EBAG9: variants seen among roughly 807,000 people sequenced by gnomAD.
EBAG9 encodes the protein receptor-binding cancer antigen expressed on SiSo cells.
In EBAG9, 16 loss-of-function variants were observed where a neutral mutation model predicts 30.9. The observed-to-expected ratio is 0.52, with a 90% CI of 0.35 to 0.79. EBAG9 has a LOEUF of 0.79. EBAG9 is among the 30% of genes least tolerant of loss of function. The probability of loss-of-function intolerance (pLI) is 0.01; values close to 1 mark genes in which losing one functional copy is unlikely to be tolerated. For synonymous variants in EBAG9, 93 were observed against 82.8 expected (o/e 1.12, Z -0.67); for missense variants, 197 against 242.1 (o/e 0.81, Z 1.24).
chr8:109,559,509 G>A (rs1821670013), intron 5 of EBAG9, among the ~76,000 whole-genome samples: 2 of 152,050 alleles, frequency 1.3e-5, no homozygotes, highest in Admixed American at 1.3e-4. Context: ...TGTCAAATTA[G>A]TAAAGATAGA....
rs768512223 is a variant in EBAG9 at position 109,560,879 on chromosome 8, T to C, written c.471T>C (p.Asn157=). 8.1e-6 allele frequency: 13 copies of C among 1,613,244 alleles called. No individual in the cohort carries two copies. Among genetic ancestry groups the C allele is most frequent in the East Asian group, 2.2e-5 (1 of 44,816 alleles). The change falls in exon 6 of 7, where the codon AAT becomes AAC. Residue 157 remains asparagine (N), a synonymous_variant. Transcript: ENST00000337573. ...GDLDTWQENT[N]AWEEEEDAAW... is the part of the protein sequence containing the mutation. ...TAGATACCTGGCAGGAAAATACCAA[T>C]GCATGGGAAGAAGAAGAAGATGCAG... is the stretch of plus-strand genomic sequence containing the variant.
At chr8:109,543,904 C>T (rs1454081934) in intron 1 of EBAG9, among the ~76,000 whole-genome samples, 1 of 151,836 alleles carries the variant, frequency 6.6e-6, no homozygotes, top group Non-Finnish European at 1.5e-5. Context: ...GTGGCATGTG[C>T]CAGTAGTCTC....
chr8:109,548,769 C>T (rs1435649645), intron 1 of EBAG9, among the ~76,000 whole-genome samples: 6 of 151,658 alleles, frequency 4.0e-5, no homozygotes, highest in Non-Finnish European at 7.4e-5. Flanking sequence ...TTGTTGTTAA[C>T]GTATAGAAAT....
intron 1 of EBAG9, among the ~76,000 whole-genome samples, chr8:109,543,548 C>T (rs932441031): frequency 5.3e-5 from 8 of 152,052 alleles, no homozygotes; most frequent in Admixed American, 6.6e-5. Context: ...TACATACAGT[C>T]AAGTATGTGG....
intron 1 of EBAG9, chr8:109,550,577 C>T: frequency 3.1e-6 from 1 of 324,148 alleles, no homozygotes; most frequent in Non-Finnish European, 5.5e-6. Context: ...AAATTATTTT[C>T]AAAAACTCAG....
rs977720658 is a variant in EBAG9 at position 109,565,908 on chromosome 8, T to C, written c.*1349T>C. ...TATAGAATAAGATGAAAGTTAACTT[T>C]GGTACAGAGCTTTTTATAGCCCCAA... On this transcript the variant is annotated 3_prime_UTR_variant, in exon 7 of 7. Coordinates refer to ENST00000337573, the MANE Select transcript of EBAG9 (RefSeq NM_004215.5). 1 of 152,130 alleles carries C rather than the reference T, an allele frequency of 6.6e-6. No homozygotes were observed. Among genetic ancestry groups the C allele is most frequent in the Admixed American group, 6.5e-5 (1 of 15,270 alleles). 9.4% of individuals were successfully genotyped at this position (152,130 alleles called of 1,614,324 possible). A position where few individuals can be genotyped will look rare whatever the true frequency, so the allele number is the denominator to read the frequency against.
intron 5 of EBAG9, among the ~76,000 whole-genome samples, chr8:109,559,274 T>C (rs1252222772): frequency 1.3e-5 from 2 of 152,004 alleles, no homozygotes; most frequent in African/African-American, 2.4e-5. Flanking sequence ...CTAGGCAACA[T>C]GGCGAAATCC....
chr8:109,563,518 G>A (rs1306993296), intron 6 of EBAG9: 28 of 1,596,682 alleles, frequency 1.8e-5, no homozygotes, highest in African/African-American at 4.0e-5. Context: ...GTGGAGTTAC[G>A]GAAAGAGTAA....
At position 109,558,716 on chromosome 8, in the gene EBAG9, T is replaced by C. The variant is rs74467398; in HGVS notation, c.429+1674T>C. On this transcript the variant is annotated intron_variant, in intron 5 of 6. Coordinates refer to ENST00000337573, the MANE Select transcript of EBAG9 (RefSeq NM_004215.5). ...TTGCATAGGAGAGGATGGTAACCTA[T>C]TGGACTTTGTTTTCTATACCAAAAA... 6.7e-3 allele frequency among the ~76,000 whole-genome samples: 1,024 copies of C among 152,262 alleles called. 15 individuals are homozygous for C. Among genetic ancestry groups the C allele is most frequent in the African/African-American group, 0.021 (890 of 41,550 alleles).
intron 1 of EBAG9, among the ~76,000 whole-genome samples, chr8:109,550,043 C>T (rs1821461608): frequency 6.6e-6 from 1 of 152,080 alleles, no homozygotes; most frequent in African/African-American, 2.4e-5. Context: ...GAATGCTATA[C>T]AATTTGCATT....
At position 109,563,355 on chromosome 8, in the gene EBAG9, C is replaced by T. The variant is rs532141603; in HGVS notation, c.522-1084C>T. The stretch of plus-strand genomic sequence containing the variant: ...TGTGACCTGTAGCTTCCTTCCTCAA[C>T]GTTGCATACTTGAATGATTTTCTCA... On this transcript the variant is annotated intron_variant, in intron 6 of 6. Transcript: ENST00000337573. 38 of 1,587,866 alleles carry T rather than the reference C, an allele frequency of 2.4e-5. No individual in the cohort carries two copies. The East Asian group carries it at 7.6e-4, about 32-fold the overall frequency.
rs1821561523 is a variant in EBAG9, at chr8:109,554,731, A to G, written c.165A>G (p.Thr55=). 1.9e-6 allele frequency: 3 copies of G among 1,612,074 alleles called. No individual in the cohort carries two copies. Among genetic ancestry groups the G allele is most frequent in the Non-Finnish European group, 2.5e-6 (3 of 1,178,990 alleles). ...TVDYSSVPKQ[T]DVEEWTSWDE... ...TAATGTTGATCAATTAAATTTAGACAGATGTTGAAGAGTGGACTTCCTGGG... is the reference window on the plus strand; with the variant it reads ...TAATGTTGATCAATTAAATTTAGACGGATGTTGAAGAGTGGACTTCCTGGG... Residue 55 remains threonine, a splice_region_variant and synonymous_variant, in exon 4 of 7, where the codon ACA becomes ACG. Transcript: ENST00000337573.
chr8:109,543,135 C>CTTTTTTTTTTTTTTTT (rs557388998), intron 1 of EBAG9, among the ~76,000 whole-genome samples: 2 of 52,860 alleles, frequency 3.8e-5, no homozygotes, highest in African/African-American at 8.1e-5. Flanking sequence ...TATTCTGGTT[C>CTTTTTTTTTTTTTTTT]TTTTTTTTTT....
At chr8:109,563,722 T>C (rs971831634) in intron 6 of EBAG9, among the ~76,000 whole-genome samples, 3 of 152,072 alleles carry the variant, frequency 2.0e-5, no homozygotes, top group African/African-American at 7.2e-5. Flanking sequence ...TAGTTATTTT[T>C]CCTGATCCTC....
At chr8:109,551,996 G>T (rs1193980559) in intron 2 of EBAG9, among the ~76,000 whole-genome samples, 1 of 152,106 alleles carries the variant, frequency 6.6e-6, no homozygotes, top group East Asian at 1.9e-4. Context: ...TGTTTCTGTG[G>T]CCTAAGGGTA....
At chr8:109,544,543 G>A (rs554418307) in intron 1 of EBAG9, among the ~76,000 whole-genome samples, 14 of 152,160 alleles carry the variant, frequency 9.2e-5, no homozygotes, top group African/African-American at 1.2e-4. Flanking sequence ...GTTGGATGAC[G>A]TATTCTCCAG....
rs1821810897 is a variant in EBAG9, at chr8:109,565,571, G to C, written c.*1012G>C. The C allele has an allele frequency of 6.6e-6, 1 of 152,014 alleles. No homozygotes were observed. The highest frequency in any genetic ancestry group is 1.5e-5 in the Non-Finnish European group (1 of 67,942). 9.4% of individuals were successfully genotyped at this position (152,014 alleles called of 1,614,324 possible). A position where few individuals can be genotyped will look rare whatever the true frequency, so the allele number is the denominator to read the frequency against. On this transcript the variant is annotated 3_prime_UTR_variant, in exon 7 of 7. Coordinates refer to ENST00000337573, the MANE Select transcript of EBAG9 (RefSeq NM_004215.5). Reference sequence around the variant, plus strand: ...TATGATGTTGATTGGCTCCAAAATAGTCTTAAGGAAATAAATACTGGGTCT... The same window carrying C: ...TATGATGTTGATTGGCTCCAAAATACTCTTAAGGAAATAAATACTGGGTCT...
At chr8:109,563,586 T>C (rs1821751665) in intron 6 of EBAG9, 2 of 1,535,946 alleles carry the variant, frequency 1.3e-6, no homozygotes, top group Non-Finnish European at 1.7e-6. Context: ...TCTTTTTTTT[T>C]TTTTTTTAAA....
At chr8:109,563,361 A>C (rs1174504630) in intron 6 of EBAG9, 1 of 1,591,970 alleles carries the variant, frequency 6.3e-7, no homozygotes, top group East Asian at 2.2e-5. Context: ...TCAACGTTGC[A>C]TACTTGAATG....
Sources: allele counts gnomAD v4.1 joint callset (sites outside exome capture counted in the v4.1 genomes callset), GRCh38; gene constraint gnomAD v4.1.1; transcripts MANE v1.5; gene names NCBI Gene and HGNC (gene_info 2026-07-23, HGNC 2026-07-21).